The following ANKS3 variants were observed in gnomAD, a reference collection of about 807,000 sequenced individuals.
The protein encoded by ANKS3 is ankyrin repeat and sterile alpha motif domain containing 3.
Under a neutral mutation model 80.7 loss-of-function variants are expected in ANKS3, and 62 were observed. That is an observed-to-expected ratio of 0.77 (90% confidence interval 0.63 to 0.95). The LOEUF (loss-of-function observed/expected upper bound fraction) is 0.95. ANKS3 is among the 40% of genes least tolerant of loss of function. The pLI is 0.00. For synonymous variants in ANKS3, 489 were observed against 355.3 expected, an observed-to-expected ratio of 1.38 and a Z score of -4.23; for missense variants, 1,150 against 883.6, an observed-to-expected ratio of 1.30 and a Z score of -3.82.
chr16:4,709,351 A>T (rs2080367079), intron 7 of ANKS3, among the ~76,000 whole-genome samples: 1 of 151,814 alleles, frequency 6.6e-6, no homozygotes, highest in South Asian at 2.1e-4. Flanking sequence ...GGTTGCAGTG[A>T]GCCAAGATCG....
At chr16:4,702,740 C>G (rs2079986194) in intron 8 of ANKS3, among the ~76,000 whole-genome samples, 1 of 152,086 alleles carries the variant, frequency 6.6e-6, no homozygotes. Flanking sequence ...TAAAAATTAA[C>G]AACAATAATA....
intron 7 of ANKS3, among the ~76,000 whole-genome samples, chr16:4,713,334 C>T (rs956283944): frequency 6.6e-6 from 1 of 151,768 alleles, no homozygotes; most frequent in African/African-American, 2.4e-5. Flanking sequence ...TGCAGTGAAA[C>T]GATATAATGA....
intron 8 of ANKS3, among the ~76,000 whole-genome samples, chr16:4,703,867 G>T (rs78832065): frequency 0.021 from 2,406 of 116,862 alleles, 32 homozygotes; most frequent in Non-Finnish European, 0.034. Flanking sequence ...GCACACAAGC[G>T]GCTTCAGACA....
At position 4,734,172 on chromosome 16, in the gene ANKS3, G is replaced by A. The variant is rs910497723; in HGVS notation, c.-305C>T. 1 of 321,618 alleles carries A rather than the reference G, an allele frequency of 3.1e-6. No homozygotes were observed. 19.9% of individuals were successfully genotyped at this position (321,618 alleles called of 1,614,324 possible). A position where few individuals can be genotyped will look rare whatever the true frequency, so the allele number is the denominator to read the frequency against. On this transcript the variant is annotated 5_prime_UTR_variant, in exon 1 of 18. Coordinates refer to ENST00000304283, the MANE Select transcript of ANKS3 (RefSeq NM_133450.4). ...GGAACCCACCTGTGCTGGGCCTCAG[G>A]CCTTGCGCCGCCCTCGGGCTGCCGT...
At position 4,701,071 on chromosome 16, in the gene ANKS3, T is replaced by C; in HGVS notation, c.1183A>G (p.Asn395Asp). 2 of 1,614,088 alleles carry C rather than the reference T, an allele frequency of 1.2e-6. No individual in the cohort carries two copies. Among genetic ancestry groups the C allele is most frequent in the Non-Finnish European group, 1.7e-6 (2 of 1,180,044 alleles). Residue 395 changes from asparagine (N) to aspartate (D), a missense_variant, in exon 11 of 18, where the codon AAT (asparagine) becomes GAT (aspartate). Transcript: ENST00000304283. ...CGGGGAGGCCACTGGCTGTCAGGAT[T>C]CTTGGTCTTCATGTAACTTTTAGCT... ...KQAKSYMKTK[N>D]PDSQWPPRAA... is the part of the protein sequence containing the mutation.
intron 6 of ANKS3, among the ~76,000 whole-genome samples, chr16:4,723,230 C>A (rs145567432): frequency 6.6e-6 from 1 of 152,240 alleles, no homozygotes. Context: ...CTCGTATATT[C>A]ACAGTTGTTC....
chr16:4,697,026 G>A lies in ANKS3; in HGVS notation c.*2C>T. The A allele has an allele frequency of 6.2e-7, 1 of 1,612,106 alleles. No individual in the cohort carries two copies. The highest frequency in any genetic ancestry group is 8.5e-7 in the Non-Finnish European group (1 of 1,179,476). ...GCTGGCAGACACTCACCGGCCCGCA[G>A]GCTAGGTCTCCCGCCACTTCTTCCC... On this transcript the variant is annotated 3_prime_UTR_variant, in exon 17 of 18. Coordinates refer to ENST00000304283, the MANE Select transcript of ANKS3 (RefSeq NM_133450.4).
In ANKS3 at chr16:4,699,098, T is replaced by C. The variant is rs1265968834; in HGVS notation, c.1363A>G (p.Ile455Val). The C allele has an allele frequency of 1.2e-6, 2 of 1,614,122 alleles. No individual in the cohort carries two copies. The highest frequency in any genetic ancestry group is 1.1e-5 in the South Asian group (1 of 91,078). ...VFEEQDVDLR[I>V]FLTLTESDLK... Reference sequence around the variant, plus strand: ...TCGCTCTCAGTGAGGGTCAGAAAGATGCGGAGGTCCACGTCCTGCTCCTCA... The same window carrying C: ...TCGCTCTCAGTGAGGGTCAGAAAGACGCGGAGGTCCACGTCCTGCTCCTCA... The change falls in exon 12 of 18, where the codon ATC becomes GTC. Residue 455 changes from isoleucine to valine, a missense_variant. Coordinates refer to ENST00000304283, the MANE Select transcript of ANKS3 (RefSeq NM_133450.4).
Position 4,698,604 on chromosome 16 carries a change from A to AGGGGGGT in ANKS3, c.1552-12_1552-6dup, listed in dbSNP as rs2079718319. 6.4e-7 allele frequency: 1 copy of AGGGGGGT among 1,552,870 alleles called. No homozygotes were observed. ...GGCCTCTACCTCCTCGCAGCGCTGC[A>AGGGGGGT]GGGGGGTGGGGGGCGCGGGGAGGCT... On this transcript the variant is annotated splice_polypyrimidine_tract_variant and splice_region_variant and intron_variant, in intron 13 of 17. Coordinates refer to ENST00000304283, the MANE Select transcript of ANKS3 (RefSeq NM_133450.4).
rs2080120735 is a variant in ANKS3 at position 4,705,206 on chromosome 16, GAGGA to G, written c.753_756del (p.Pro252ArgfsTer139). On this transcript the variant is annotated frameshift_variant, in exon 8 of 18. Transcript: ENST00000304283. LOFTEE classifies it high-confidence loss of function. ...TTCTTCCGGCAAGGCCTCTGTCTCT[GAGGA>G]GCAGGGCAGGACTCGTCAGAAGAGC... The G allele has an allele frequency of 6.2e-7, 1 of 1,613,906 alleles. No individual in the cohort carries two copies. The highest frequency in any genetic ancestry group is 1.7e-5 in the Admixed American group (1 of 60,010).
intron 11 of ANKS3, 188 bp from the exon 12 acceptor site, chr16:4,699,364 C>A (rs993901381): frequency 2.7e-6 from 2 of 751,456 alleles, no homozygotes; most frequent in South Asian, 3.6e-5. Flanking sequence ...CAGGTGAGTC[C>A]TCACACTATG....
At chr16:4,712,607 T>C (rs1482788062) in intron 7 of ANKS3, among the ~76,000 whole-genome samples, 1 of 152,134 alleles carries the variant, frequency 6.6e-6, no homozygotes, top group East Asian at 1.9e-4. Context: ...GGAACACAAT[T>C]CAATAGTTAC....
intron 6 of ANKS3, among the ~76,000 whole-genome samples, chr16:4,722,458 C>A (rs998579943): frequency 6.6e-6 from 1 of 151,706 alleles, no homozygotes; most frequent in Non-Finnish European, 1.5e-5. Flanking sequence ...TATTTTTAGT[C>A]CCAGCTACTC....
intron 5 of ANKS3, 82 bp downstream of exon 5, chr16:4,726,577 G>C (rs749164238): frequency 8.0e-6 from 12 of 1,507,712 alleles, no homozygotes; most frequent in Admixed American, 3.6e-5. Context: ...CTAAACTCTG[G>C]TTAGCTGCCT....
At chr16:4,713,646 G>C (rs908977296) in intron 7 of ANKS3, among the ~76,000 whole-genome samples, 1 of 152,294 alleles carries the variant, frequency 6.6e-6, no homozygotes, top group African/African-American at 2.4e-5. Context: ...CAAAGATATA[G>C]TTAATTTATA....
Position 4,726,053 on chromosome 16 carries a change from G to A in ANKS3, c.491+606C>T, listed in dbSNP as rs185825441. On this transcript the variant is annotated intron_variant, in intron 5 of 17. Coordinates refer to ENST00000304283, the MANE Select transcript of ANKS3 (RefSeq NM_133450.4). ...TGCAGTGGTGCAATCTCGGCTCACT[G>A]CAAGCTCCACCTCCCGGGTTCACAC... Among the ~76,000 whole-genome samples the A allele has an allele frequency of 1.9e-3, 292 of 150,076 alleles. 2 individuals are homozygous for A. Among genetic ancestry groups the A allele is most frequent in the African/African-American group, 6.9e-3 (279 of 40,692 alleles).
intron 7 of ANKS3, among the ~76,000 whole-genome samples, chr16:4,706,379 C>T (rs959560548): frequency 1.3e-5 from 2 of 151,740 alleles, no homozygotes; most frequent in African/African-American, 2.4e-5. Flanking sequence ...TACAGGCACC[C>T]GGCCACCATG....
chr16:4,714,282 T>C, intron 6 of ANKS3, 96 bp from the exon 7 acceptor site: 1 of 1,515,508 alleles, frequency 6.6e-7, no homozygotes, highest in Non-Finnish European at 9.0e-7. Flanking sequence ...CATATGCTGG[T>C]TTCTGACTGC....
Position 4,698,469 on chromosome 16 carries a change from C to T in ANKS3, c.1682G>A (p.Trp561Ter). 1 of 1,546,868 alleles carries T rather than the reference C, an allele frequency of 6.5e-7. No homozygotes were observed. Among genetic ancestry groups the T allele is most frequent in the East Asian group, 2.4e-5 (1 of 41,978 alleles). ...GAGGGCAGCATCCCGGGCCAGGGCC[C>T]ACGTCTCCCGCAGCCGGGCCTGGAG... Reference protein sequence around the residue: ...EDLQARLRETWALARDAALVL... With the variant: ...EDLQARLRET Residue 561 changes from tryptophan (W) to a stop codon, truncating the protein, a stop_gained, in exon 14 of 18, where the codon TGG (tryptophan) becomes TAG (stop). Coordinates refer to ENST00000304283, the MANE Select transcript of ANKS3 (RefSeq NM_133450.4). LOFTEE classifies it high-confidence loss of function.
Sources: gnomAD v4.1 joint callset for allele counts (sites outside exome capture counted in the v4.1 genomes callset) on GRCh38, gnomAD v4.1.1 for gene constraint, MANE v1.5 for transcripts, NCBI Gene and HGNC (gene_info 2026-07-23, HGNC 2026-07-21) for gene names.